Variants in PHACTR4 observed in about 807,000 individuals in gnomAD.
The protein encoded by PHACTR4 is protein phosphatase 1, regulatory subunit 124.
A neutral mutation model predicts 72.7 loss-of-function variants in PHACTR4; 51 were observed. The ratio of observed to expected loss-of-function variants is 0.70; its 90% confidence interval spans 0.56 to 0.89. The LOEUF (loss-of-function observed/expected upper bound fraction) is 0.89, where lower values mean the gene tolerates loss of function less well. PHACTR4 is among the 40% of genes least tolerant of loss of function. The pLI is 0.00. For missense variants in PHACTR4, 731 were observed against 861.8 expected (o/e 0.85, Z 1.90); for synonymous variants, 255 against 302.5 (o/e 0.84, Z 1.63).
At chr1:28,372,851 CA>C (rs545853028) in intron 1 of PHACTR4, among the ~76,000 whole-genome samples, 15,597 of 84,106 alleles carry the variant, frequency 0.19, 1,739 homozygotes, top group African/African-American at 0.42. Flanking sequence ...GACTCAGTCT[CA>C]AAAAAAAAAA....
rs567564119 is a variant in PHACTR4 at position 28,476,543 on chromosome 1, A to AT, written c.1606+269dup. On this transcript the variant is annotated intron_variant, in intron 8 of 13. Transcript: ENST00000373839. ...AGGTTTTTTGTTTTTTTTTGTTTTA[A>AT]TTTTTTTTTTTTTTTTTGGACAAGG... Among the ~76,000 whole-genome samples the AT allele has an allele frequency of 8.7e-3, 1,157 of 133,282 alleles. 11 individuals carry two copies. The highest frequency in any genetic ancestry group is 0.023 in the African/African-American group (833 of 36,218). 87.4% of individuals were successfully genotyped at this position (133,282 alleles called of 152,430 possible).
At chr1:28,370,963 G>C (rs144071594) in intron 1 of PHACTR4, among the ~76,000 whole-genome samples, 170 of 152,290 alleles carry the variant, frequency 1.1e-3, no homozygotes, top group African/African-American at 3.9e-3. Flanking sequence ...AATGAAGCCA[G>C]TTTAGGGGAT....
At chr1:28,476,079 G>C in intron 7 of PHACTR4, 28 bp from the exon 8 acceptor site, 1 of 1,570,140 alleles carries the variant, frequency 6.4e-7, no homozygotes, top group South Asian at 1.2e-5. Context: ...ATTTCTAAAA[G>C]GAAAATATAA....
Position 28,473,440 on chromosome 1 carries a change from T to C in PHACTR4, c.824-114T>C, listed in dbSNP as rs142447017. ...ATAGGGAATGGCAAAACTATGAAAT[T>C]ATTTAACTTGCTTAAAAGATTAAAA... is the stretch of plus-strand genomic sequence containing the variant. On this transcript the variant is annotated intron_variant, in intron 6 of 13. Coordinates refer to ENST00000373839, the MANE Select transcript of PHACTR4 (RefSeq NM_001048183.3). 30 of 802,028 alleles carry C rather than the reference T, an allele frequency of 3.7e-5. No individual in the cohort carries two copies. In the Admixed American group the frequency reaches 6.9e-4, roughly 18 times the overall value. 49.7% of individuals were successfully genotyped at this position (802,028 alleles called of 1,614,324 possible).
intron 1 of PHACTR4, among the ~76,000 whole-genome samples, chr1:28,397,311 CAAG>C (rs1224049174): frequency 6.6e-6 from 1 of 152,130 alleles, no homozygotes; most frequent in African/African-American, 2.4e-5. Context: ...TCCCCAAAGA[CAAG>C]AAGGTTAAAT....
chr1:28,482,155 A>C (rs557058281), intron 9 of PHACTR4, among the ~76,000 whole-genome samples: 1 of 152,082 alleles, frequency 6.6e-6, no homozygotes, highest in South Asian at 2.1e-4. Flanking sequence ...CCTTCGACTC[A>C]CAAAGTGCTG....
intron 9 of PHACTR4, among the ~76,000 whole-genome samples, chr1:28,488,587 G>T (rs1210421457): frequency 6.6e-6 from 1 of 151,622 alleles, no homozygotes; most frequent in Non-Finnish European, 1.5e-5. Flanking sequence ...CCCAGGAGGA[G>T]TTCAAGACTA....
At chr1:28,458,171 T>C (rs985074558) in intron 2 of PHACTR4, among the ~76,000 whole-genome samples, 2 of 150,808 alleles carry the variant, frequency 1.3e-5, no homozygotes, top group African/African-American at 4.9e-5. Flanking sequence ...AGACAGGCTC[T>C]CACTCTGTTG....
intron 13 of PHACTR4, among the ~76,000 whole-genome samples, chr1:28,495,589 G>A (rs1661293755): frequency 6.6e-6 from 1 of 151,460 alleles, no homozygotes; most frequent in African/African-American, 2.4e-5. Context: ...GGACCTTTAG[G>A]GGGGATTTTA....
At position 28,408,842 on chromosome 1, in the gene PHACTR4, AT is replaced by A. The variant is rs112708658; in HGVS notation, c.16+1396del. On this transcript the variant is annotated intron_variant, in intron 2 of 13. Coordinates refer to ENST00000373839, the MANE Select transcript of PHACTR4 (RefSeq NM_001048183.3). ...AGGTGTGCACCCCTATGCCCGACTG[AT>A]TTTTTTTTTTTTTTTTGGTAGAGAT... Among the ~76,000 whole-genome samples, 314 of 130,378 alleles carry A rather than the reference AT, an allele frequency of 2.4e-3. 1 individual carries two copies. Among genetic ancestry groups the A allele is most frequent in the East Asian group, 0.013 (59 of 4,426 alleles). 85.5% of individuals were successfully genotyped at this position (130,378 alleles called of 152,430 possible). A position where few individuals can be genotyped will look rare whatever the true frequency, so the allele number is the denominator to read the frequency against.
intron 1 of PHACTR4, among the ~76,000 whole-genome samples, chr1:28,398,112 A>G (rs1371533874): frequency 1.3e-5 from 2 of 152,150 alleles, no homozygotes; most frequent in Non-Finnish European, 1.5e-5. Flanking sequence ...TGAGGAATTG[A>G]TACATTCGAA....
In PHACTR4 at chr1:28,499,921, C is replaced by T. The variant is rs1661572034; in HGVS notation, c.*3372C>T. On this transcript the variant is annotated 3_prime_UTR_variant, in exon 14 of 14. Coordinates refer to ENST00000373839, the MANE Select transcript of PHACTR4 (RefSeq NM_001048183.3). ...TCTATCTTATTGATTTGGAGGCTGT[C>T]TTCTGCCAGATTTTTTGTGGCTTGA... 1 of 152,170 alleles carries T rather than the reference C, an allele frequency of 6.6e-6. No individual in the cohort carries two copies. Among genetic ancestry groups the T allele is most frequent in the Admixed American group, 6.6e-5 (1 of 15,254 alleles). 9.4% of individuals were successfully genotyped at this position (152,170 alleles called of 1,614,324 possible).
At chr1:28,449,807 G>A (rs1657805766) in intron 2 of PHACTR4, among the ~76,000 whole-genome samples, 1 of 151,532 alleles carries the variant, frequency 6.6e-6, no homozygotes, top group Admixed American at 6.6e-5. Context: ...AGCTGAGATC[G>A]TGCCATTGCC....
chr1:28,370,001 C>T (rs1651100779), intron 1 of PHACTR4, among the ~76,000 whole-genome samples, 176 bp downstream of exon 1: 1 of 152,172 alleles, frequency 6.6e-6, no homozygotes, highest in Non-Finnish European at 1.5e-5. Context: ...CGCCTCCCTC[C>T]TCGGCCCTCC....
At chr1:28,379,699 C>T (rs1426712428) in intron 1 of PHACTR4, among the ~76,000 whole-genome samples, 1 of 150,920 alleles carries the variant, frequency 6.6e-6, no homozygotes, top group East Asian at 2.0e-4. Context: ...ACGCCATTCT[C>T]CTGCCTCAGC....
chr1:28,487,737 T>TG (rs1660784819), intron 9 of PHACTR4, among the ~76,000 whole-genome samples: 2 of 132,110 alleles, frequency 1.5e-5, no homozygotes, highest in Non-Finnish European at 3.2e-5. Flanking sequence ...GTTTTTTTTT[T>TG]TTTTTTTTTT....
chr1:28,399,265 T>G (rs1569827606), intron 1 of PHACTR4, among the ~76,000 whole-genome samples: 1 of 152,022 alleles, frequency 6.6e-6, no homozygotes, highest in Non-Finnish European at 1.5e-5. Flanking sequence ...TAAGCCAAGG[T>G]CATGCCACTG....
chr1:28,405,356 T>G lies in PHACTR4; in HGVS notation c.-38-2054T>G, dbSNP rs528651619. On this transcript the variant is annotated intron_variant, in intron 1 of 13. Transcript: ENST00000373839. ...TCTTTTTCTTTTTTGAGACCGAATC[T>G]TACTCTGTTGCCCAGGCTAGAGTTC... Among the ~76,000 whole-genome samples the G allele has an allele frequency of 1.3e-4, 20 of 152,180 alleles. No homozygotes were observed. In the South Asian group the frequency reaches 2.5e-3, roughly 19 times the overall value.
chr1:28,444,555 G>A (rs915609016), intron 2 of PHACTR4, among the ~76,000 whole-genome samples: 1 of 151,176 alleles, frequency 6.6e-6, no homozygotes, highest in Non-Finnish European at 1.5e-5. Flanking sequence ...GTCTTCTTTT[G>A]AGAAATGTCT....
Sources: allele counts gnomAD v4.1 joint callset (sites outside exome capture counted in the v4.1 genomes callset), GRCh38; gene constraint gnomAD v4.1.1; transcripts MANE v1.5; gene names NCBI Gene and HGNC (gene_info 2026-07-23, HGNC 2026-07-21).